The following HHAT variants were observed in gnomAD, a reference collection of about 807,000 sequenced individuals.
HHAT encodes hedgehog acyltransferase.
HHAT carries 47 observed loss-of-function variants against 70.8 expected under a neutral mutation model. The ratio of observed to expected loss-of-function variants is 0.66; its 90% CI spans 0.53 to 0.85. HHAT has a LOEUF of 0.85. HHAT is among the 40% of genes least tolerant of loss of function. The pLI, the probability that HHAT is intolerant of heterozygous loss-of-function variation, is 0.00. For missense variants in HHAT, 609 were observed against 604.8 expected, an observed-to-expected ratio of 1.01 and a Z score of -0.07; for synonymous variants, 228 against 247.6, an observed-to-expected ratio of 0.92 and a Z score of 0.74.
At chr1:210,337,281 A>G (rs2085586899) in intron 1 of HHAT, among the ~76,000 whole-genome samples, 1 of 152,228 alleles carries the variant, frequency 6.6e-6, no homozygotes, top group Admixed American at 6.5e-5. Flanking sequence ...TGACCATTGG[A>G]TTAAAAAACA....
intron 10 of HHAT, among the ~76,000 whole-genome samples, chr1:210,611,121 G>A (rs186877619): frequency 6.6e-6 from 1 of 152,118 alleles, no homozygotes; most frequent in Non-Finnish European, 1.5e-5. Context: ...CCATTTTCAC[G>A]ATATTGATTA....
At chr1:210,629,100 G>T (rs1474615672) in intron 11 of HHAT, among the ~76,000 whole-genome samples, 4 of 152,218 alleles carry the variant, frequency 2.6e-5, no homozygotes, top group African/African-American at 9.7e-5. Flanking sequence ...GGGTGATGAG[G>T]TTGACATGTA....
intron 8 of HHAT, among the ~76,000 whole-genome samples, chr1:210,497,650 A>C (rs2094674341): frequency 6.6e-6 from 1 of 152,036 alleles, no homozygotes; most frequent in African/African-American, 2.4e-5. Context: ...GCTTCTCTCT[A>C]TCTTCCAGTC....
chr1:210,617,256 A>G (rs572263586), intron 10 of HHAT, among the ~76,000 whole-genome samples: 1 of 152,254 alleles, frequency 6.6e-6, no homozygotes, highest in African/African-American at 2.4e-5. Context: ...ATTGATAAAA[A>G]GTGGTGAGAG....
intron 11 of HHAT, among the ~76,000 whole-genome samples, chr1:210,633,709 C>T (rs926873158): frequency 6.6e-6 from 1 of 152,212 alleles, no homozygotes; most frequent in Non-Finnish European, 1.5e-5. Context: ...GTGTATGTCA[C>T]CCTGTGTCAG....
intron 11 of HHAT, among the ~76,000 whole-genome samples, chr1:210,660,668 G>C (rs1348473700): frequency 2.6e-5 from 4 of 152,004 alleles, no homozygotes; most frequent in African/African-American, 9.7e-5. Flanking sequence ...CAAACTATAA[G>C]ACAAGACTAC....
intron 11 of HHAT, among the ~76,000 whole-genome samples, chr1:210,637,676 A>G (rs1672132750): frequency 6.6e-6 from 1 of 152,176 alleles, no homozygotes; most frequent in African/African-American, 2.4e-5. Flanking sequence ...CCTGGCCAAC[A>G]TGTTGAAACC....
intron 7 of HHAT, among the ~76,000 whole-genome samples, chr1:210,436,396 T>C (rs1419314787): frequency 6.6e-6 from 1 of 151,750 alleles, no homozygotes. Flanking sequence ...AGTCAGATAG[T>C]GTGATGCCTT....
At chr1:210,589,215 A>G (rs994136057) in intron 10 of HHAT, 1 of 152,270 alleles carries the variant, frequency 6.6e-6, no homozygotes, top group Non-Finnish European at 1.5e-5. Context: ...TCAAAACAGA[A>G]TACATTTACA....
intron 8 of HHAT, among the ~76,000 whole-genome samples, chr1:210,474,214 C>T (rs1336593483): frequency 2.0e-5 from 3 of 152,182 alleles, no homozygotes; most frequent in Non-Finnish European, 2.9e-5. Flanking sequence ...ATAGTAGGCA[C>T]TTAACAAACC....
chr1:210,404,510 C>T lies in HHAT; in HGVS notation c.515C>T (p.Thr172Met), dbSNP rs139483274. The T allele has an allele frequency of 1.4e-5, 22 of 1,613,188 alleles. No individual in the cohort carries two copies. Among genetic ancestry groups the T allele is most frequent in the Admixed American group, 1.0e-4 (6 of 60,006 alleles). ...AACGAGTACTACCTGCTGCAGTTCA[C>T]GCTGACCGTTCGCTGCCTGTACTAC... is the stretch of plus-strand genomic sequence containing the variant. ...TENEYYLLQF[T>M]LTVRCLYYTS... is the part of the protein sequence containing the mutation. The change falls in exon 6 of 12, where the codon ACG becomes ATG. Residue 172 changes from threonine (T) to methionine (M), a missense_variant. Physicochemically the swap from Thr to Met is moderately conservative, Grantham distance 81. Transcript: ENST00000261458.
At chr1:210,464,686 G>A (rs376476050) in intron 8 of HHAT, 31 bp downstream of exon 8, 1 of 1,613,108 alleles carries the variant, frequency 6.2e-7, no homozygotes, top group African/African-American at 1.3e-5. Context: ...AAGTTGGTCA[G>A]GCATGTCCAG....
At chr1:210,670,425 G>T (rs983902349) in intron 11 of HHAT, among the ~76,000 whole-genome samples, 2 of 152,220 alleles carry the variant, frequency 1.3e-5, no homozygotes, top group Non-Finnish European at 2.9e-5. Context: ...AAGAGGTGTG[G>T]TGTTGACCGG....
intron 9 of HHAT, among the ~76,000 whole-genome samples, chr1:210,544,367 G>GTTTTTTTTTTTTTTTTTTTTTTTTTTCT (rs569514246): frequency 3.0e-4 from 27 of 90,056 alleles, no homozygotes; most frequent in Non-Finnish European, 4.1e-4. Flanking sequence ...TCTTTCTTTC[G>GTTTTTTTTTTTTTTTTTTTTTTTTTTCT]TTTTTTTTTT....
chr1:210,578,784 A>G lies in HHAT; in HGVS notation c.1044-9114A>G, dbSNP rs75805043. Among the ~76,000 whole-genome samples the G allele has an allele frequency of 5.9e-3, 893 of 152,360 alleles. 10 individuals are homozygous for G. Among genetic ancestry groups the G allele is most frequent in the African/African-American group, 0.02 (836 of 41,588 alleles). ...AAGGCTATGAAGGCGAAATAAGCCC[A>G]TAACAGAAAGAGAAATACTGTATGA... is the stretch of plus-strand genomic sequence containing the variant. On this transcript the variant is annotated intron_variant, in intron 9 of 11. Transcript: ENST00000261458.
At chr1:210,442,092 T>C in intron 7 of HHAT, among the ~76,000 whole-genome samples, 1 of 143,520 alleles carries the variant, frequency 7.0e-6, no homozygotes, top group East Asian at 2.1e-4. Flanking sequence ...CGAGTGAGAA[T>C]ATGCAGTGTT....
intron 9 of HHAT, among the ~76,000 whole-genome samples, chr1:210,539,404 G>T (rs182727701): frequency 9.2e-5 from 14 of 152,344 alleles, no homozygotes; most frequent in African/African-American, 2.9e-4. Context: ...TCACAGAATA[G>T]TCTTGACCTG....
In HHAT at chr1:210,381,944, T is replaced by C. The variant is rs143732746; in HGVS notation, c.160-5524T>C. ...ATTTTAGTCTATTGACCAGGCCTTA[T>C]TAGCTATGCGTTTGTGTTGTTTTCA... On this transcript the variant is annotated intron_variant, in intron 3 of 11. Coordinates refer to ENST00000261458, the MANE Select transcript of HHAT (RefSeq NM_018194.6). Among the ~76,000 whole-genome samples, 1,249 of 152,334 alleles carry C rather than the reference T, an allele frequency of 8.2e-3. 13 individuals carry two copies. Among genetic ancestry groups the C allele is most frequent in the African/African-American group, 0.028 (1,170 of 41,588 alleles).
At chr1:210,453,764 C>T (rs2093803682) in intron 7 of HHAT, among the ~76,000 whole-genome samples, 1 of 152,110 alleles carries the variant, frequency 6.6e-6, no homozygotes, top group African/African-American at 2.4e-5. Context: ...GAAGGATTTG[C>T]AATAGAATCC....
Sources: allele counts gnomAD v4.1 joint callset (sites outside exome capture counted in the v4.1 genomes callset), GRCh38; gene constraint gnomAD v4.1.1; transcripts MANE v1.5; gene names NCBI Gene and HGNC (gene_info 2026-07-23, HGNC 2026-07-21).